Variants in LIMK2 observed in about 807,000 individuals in gnomAD.
The protein encoded by LIMK2 is LIM domain kinase 2.
LIMK2 carries 35 observed loss-of-function variants against 75.7 expected under a neutral mutation model. The observed-to-expected ratio is 0.46, with a 90% CI of 0.35 to 0.61. The LOEUF (loss-of-function observed/expected upper bound fraction) is 0.61. LIMK2 is among the 20% of genes least tolerant of loss of function. LIMK2 has a pLI of 0.00. For missense variants in LIMK2, 623 were observed against 831.0 expected (o/e 0.75, Z 3.08); for synonymous variants, 301 against 319.2 (o/e 0.94, Z 0.61).
chr22:31,226,901 C>T (rs1175175961), intron 2 of LIMK2, among the ~76,000 whole-genome samples: 1 of 152,204 alleles, frequency 6.6e-6, no homozygotes, highest in Admixed American at 6.5e-5. Context: ...TGAGCCACCG[C>T]GCCCTGCCTA....
intron 2 of LIMK2, among the ~76,000 whole-genome samples, chr22:31,246,320 T>C (rs1395966262): frequency 6.7e-6 from 1 of 148,262 alleles, no homozygotes; most frequent in Non-Finnish European, 1.5e-5. Context: ...ACCATGTTTA[T>C]ACCACTGCAC....
At chr22:31,247,262 G>T (rs960768334) in intron 2 of LIMK2, among the ~76,000 whole-genome samples, 1 of 152,158 alleles carries the variant, frequency 6.6e-6, no homozygotes. Flanking sequence ...TTACAATCCT[G>T]CAGGCAGGGA....
rs752101247 is a variant in LIMK2 at position 31,262,752 on chromosome 22, A to G, written c.815A>G (p.Lys272Arg). The change falls in exon 7 of 16, where the codon AAG becomes AGG. Residue 272 changes from lysine (K) to arginine (R), a missense_variant. By Grantham distance (26) the Lys-to-Arg change is conservative (BLOSUM62 2). Around this residue, in one of 3 missense-constraint regions of LIMK2, gnomAD observed 514 missense variants for 661.3 expected, o/e 0.78. Transcript: ENST00000331728. The surrounding 1 kb of genome is among the most constrained non-coding windows in gnomAD (Gnocchi z 5.0). ...CACGCCCTCAGCACCCTGGACACCA[A>G]GGAGAATCTGGAGGGGACACTGAGG... ...HPHALSTLDT[K>R]ENLEGTLRRR... is the part of the protein sequence containing the mutation. The G allele has an allele frequency of 1.2e-6, 2 of 1,613,694 alleles. No individual in the cohort carries two copies. Among genetic ancestry groups the G allele is most frequent in the Admixed American group, 3.3e-5 (2 of 59,948 alleles).
chr22:31,276,471 C>T (rs2049018325), intron 15 of LIMK2, among the ~76,000 whole-genome samples: 1 of 139,000 alleles, frequency 7.2e-6, no homozygotes. Context: ...GCAGCCCCGG[C>T]GGCGGCCGCA....
At chr22:31,215,379 T>C (rs1272814400) in intron 1 of LIMK2, among the ~76,000 whole-genome samples, 1 of 152,244 alleles carries the variant, frequency 6.6e-6, no homozygotes, top group Non-Finnish European at 1.5e-5. Flanking sequence ...GTGCCTGTGA[T>C]GTCTGTGGCA....
rs945304855 is a variant in LIMK2, at chr22:31,279,696, A to G, written c.*1255A>G. ...CTCTTCTAAGTGTCTATGAGCTTGC[A>G]CCATATTTAATAAATTGGGAATGGG... On this transcript the variant is annotated 3_prime_UTR_variant, in exon 16 of 16. Transcript: ENST00000331728. The G allele has an allele frequency of 6.6e-6, 1 of 152,214 alleles. No homozygotes were observed. The highest frequency in any genetic ancestry group is 1.5e-5 in the Non-Finnish European group (1 of 68,048). The allele number at this position is 152,214 out of a possible 1,614,324, so 9.4% of individuals were successfully genotyped here.
At chr22:31,242,214 T>G (rs2048628963) in intron 2 of LIMK2, among the ~76,000 whole-genome samples, 1 of 152,224 alleles carries the variant, frequency 6.6e-6, no homozygotes, top group Non-Finnish European at 1.5e-5. Flanking sequence ...GTCTAACTAG[T>G]CACTACTATT....
At chr22:31,241,337 C>T (rs1211226461) in intron 2 of LIMK2, among the ~76,000 whole-genome samples, 2 of 152,242 alleles carry the variant, frequency 1.3e-5, no homozygotes, top group African/African-American at 4.8e-5. Flanking sequence ...GTTCCTAGAC[C>T]TGTGACCTTA....
intron 15 of LIMK2, among the ~76,000 whole-genome samples, chr22:31,276,599 C>CTCCG (rs2049023114): frequency 1.2e-4 from 17 of 146,284 alleles, no homozygotes; most frequent in Admixed American, 9.5e-4. Flanking sequence ...CGCCGCGGAG[C>CTCCG]CGGCGAGCTA....
At chr22:31,216,332 A>G (rs2048388451) in intron 1 of LIMK2, among the ~76,000 whole-genome samples, 1 of 152,152 alleles carries the variant, frequency 6.6e-6, no homozygotes, top group South Asian at 2.1e-4. Context: ...AGGGTAGCAA[A>G]TACGTGTGGT....
At chr22:31,212,816 G>GCTCTGTGGAAT (rs1319644838) in intron 1 of LIMK2, among the ~76,000 whole-genome samples, 2 of 152,118 alleles carry the variant, frequency 1.3e-5, no homozygotes, top group Non-Finnish European at 2.9e-5. Flanking sequence ...TATAGTGGAA[G>GCTCTGTGGAAT]CTCTGTGGAA....
At position 31,223,884 on chromosome 22, in the gene LIMK2, C is replaced by T. The variant is rs181165914; in HGVS notation, c.17-1836C>T. On this transcript the variant is annotated intron_variant, in intron 1 of 15. Transcript: ENST00000331728. ...GGGTTGAGGTGGTGTTTTAAGGCCT[C>T]TTGCCAGCTTGTTTAACTCTTCTCT... Among the ~76,000 whole-genome samples, 20 of 152,348 alleles carry T rather than the reference C, an allele frequency of 1.3e-4. No individual in the cohort carries two copies. The East Asian group carries it at 2.1e-3, about 16-fold the overall frequency.
At chr22:31,216,734 A>G (rs2048392191) in intron 1 of LIMK2, among the ~76,000 whole-genome samples, 1 of 152,136 alleles carries the variant, frequency 6.6e-6, no homozygotes, top group Non-Finnish European at 1.5e-5. Flanking sequence ...TAGGCTTTCC[A>G]CATTCATGGT....
intron 2 of LIMK2, among the ~76,000 whole-genome samples, chr22:31,236,311 AC>A (rs146888877): frequency 1.6e-4 from 24 of 149,702 alleles, no homozygotes; most frequent in African/African-American, 5.7e-4. Context: ...AAAAAAAAAA[AC>A]AAACTGGAGA....
At chr22:31,225,697 C>A in intron 1 of LIMK2, 23 bp from the exon 2 acceptor site, 2 of 1,603,104 alleles carry the variant, frequency 1.2e-6, no homozygotes, top group South Asian at 2.2e-5. Context: ...TTGGGCCTCT[C>A]AACCTCTTGG....
intron 2 of LIMK2, among the ~76,000 whole-genome samples, chr22:31,245,227 G>A (rs187421115): frequency 2.6e-5 from 4 of 152,298 alleles, no homozygotes; most frequent in Non-Finnish European, 5.9e-5. Context: ...CAGAGTGGTT[G>A]AGCTCTGTGG....
intron 2 of LIMK2, among the ~76,000 whole-genome samples, chr22:31,234,925 G>A (rs1277857968): frequency 6.6e-6 from 1 of 151,930 alleles, no homozygotes; most frequent in Non-Finnish European, 1.5e-5. Context: ...CTTAACTCCT[G>A]CTTATCGTTT....
intron 2 of LIMK2, among the ~76,000 whole-genome samples, chr22:31,254,965 AAAAAAG>A (rs1038152032): frequency 6.6e-6 from 1 of 152,020 alleles, no homozygotes; most frequent in African/African-American, 2.4e-5. Flanking sequence ...ATCTCAAAAA[AAAAAAG>A]AAAAAAGAAA....
chr22:31,213,959 G>A (rs985507610), intron 1 of LIMK2, among the ~76,000 whole-genome samples: 1 of 151,896 alleles, frequency 6.6e-6, no homozygotes, highest in Non-Finnish European at 1.5e-5. Context: ...GGGACAACAG[G>A]GGCCCGCCAC....
Sources: allele counts gnomAD v4.1 joint callset (sites outside exome capture counted in the v4.1 genomes callset), GRCh38; gene constraint gnomAD v4.1.1; regional missense constraint gnomAD v4.1.1; non-coding constraint Gnocchi (gnomAD v3.1); transcripts MANE v1.5; gene names NCBI Gene and HGNC (gene_info 2026-07-23, HGNC 2026-07-21).